The following C2CD2 variants were observed in gnomAD, a reference collection of about 807,000 sequenced individuals.
C2CD2 encodes the protein C2 calcium dependent domain containing 2.
C2CD2 carries 43 observed loss-of-function variants against 74.3 expected under a neutral mutation model. The ratio of observed to expected loss-of-function variants is 0.58; its 90% CI spans 0.45 to 0.75. The LOEUF (loss-of-function observed/expected upper bound fraction) is 0.75, where lower values mean the gene tolerates loss of function less well. Ranked by LOEUF, C2CD2 falls within the 30% of genes least tolerant of loss-of-function variation. The pLI, the probability that C2CD2 is intolerant of heterozygous loss-of-function variation, is 0.00. For missense variants in C2CD2, 801 were observed against 916.3 expected (o/e 0.87, Z 1.63); for synonymous variants, 422 against 390.7 (o/e 1.08, Z -0.94).
At chr21:41,897,550 G>A (rs2064838545) in intron 13 of C2CD2, among the ~76,000 whole-genome samples, 1 of 152,210 alleles carries the variant, frequency 6.6e-6, no homozygotes, top group Non-Finnish European at 1.5e-5. Flanking sequence ...GTGCTCTGTG[G>A]AGGGGGGTCC....
At position 41,926,380 on chromosome 21, in the gene C2CD2, G is replaced by A. The variant is rs1278324794; in HGVS notation, c.379-4295C>T. The A allele has an allele frequency of 1.0e-6, 1 of 972,694 alleles. No individual in the cohort carries two copies. Among genetic ancestry groups the A allele is most frequent in the Non-Finnish European group, 1.2e-6 (1 of 818,482 alleles). The allele number at this position is 972,694 out of a possible 1,614,324, so 60.3% of individuals were successfully genotyped here. A position where few individuals can be genotyped will look rare whatever the true frequency, so the allele number is the denominator to read the frequency against. ...TCACGGTAAGTCAGGGTCTCCACAT[G>A]GAAAGGCCAAGGGGGGACTCACGGT... On this transcript the variant is annotated intron_variant, in intron 2 of 13. Transcript: ENST00000380486. The surrounding 1 kb of genome is among the most constrained non-coding windows in gnomAD (Gnocchi z 8.0).
In C2CD2 at chr21:41,924,394, T is replaced by C. The variant is rs1000257640; in HGVS notation, c.379-2309A>G. ...TAGAAAAAGAAAATCCTGCCTTCTC[T>C]CAATATTGGCAGAAAGTCGTGCAAC... On this transcript the variant is annotated intron_variant, in intron 2 of 13. Coordinates refer to ENST00000380486, the MANE Select transcript of C2CD2 (RefSeq NM_015500.2). The surrounding 1 kb of genome is among the most constrained non-coding windows in gnomAD (Gnocchi z 4.4). 1.3e-5 allele frequency among the ~76,000 whole-genome samples: 2 copies of C among 152,188 alleles called. No homozygotes were observed. Among genetic ancestry groups the C allele is most frequent in the African/African-American group, 4.8e-5 (2 of 41,432 alleles).
At chr21:41,919,175 CATGT>C in intron 3 of C2CD2, 1 of 587,228 alleles carries the variant, frequency 1.7e-6, no homozygotes, top group Non-Finnish European at 3.1e-6. Flanking sequence ...CATGTGTGTG[CATGT>C]GAGTGTGAAT....
At chr21:41,901,574 C>T in intron 12 of C2CD2, 48 bp downstream of exon 12, 3 of 1,604,904 alleles carry the variant, frequency 1.9e-6, no homozygotes, top group South Asian at 1.1e-5. Context: ...AGCAGCAGGT[C>T]ACTGACAGAT....
At position 41,885,553 on chromosome 21, in the gene C2CD2, T is replaced by C. The variant is rs2064674302; in HGVS notation, c.*3571A>G. On this transcript the variant is annotated 3_prime_UTR_variant, in exon 14 of 14. Coordinates refer to ENST00000380486, the MANE Select transcript of C2CD2 (RefSeq NM_015500.2). ...TGCAGGCTGCTTTGGTCTTCGTGTCTAGGCCGGTTTGGGGCAGTGGGGAGA... is the reference window on the plus strand; with the variant it reads ...TGCAGGCTGCTTTGGTCTTCGTGTCCAGGCCGGTTTGGGGCAGTGGGGAGA... 6.5e-6 allele frequency: 1 copy of C among 152,766 alleles called. No individual in the cohort carries two copies. The highest frequency in any genetic ancestry group is 2.4e-5 in the African/African-American group (1 of 41,462). 9.5% of individuals were successfully genotyped at this position (152,766 alleles called of 1,614,324 possible).
chr21:41,888,934 G>C lies in C2CD2; in HGVS notation c.*190C>G. 3.3e-6 allele frequency: 2 copies of C among 602,958 alleles called. No homozygotes were observed. Among genetic ancestry groups the C allele is most frequent in the South Asian group, 2.0e-5 (1 of 49,436 alleles). 37.4% of individuals were successfully genotyped at this position (602,958 alleles called of 1,614,324 possible). On this transcript the variant is annotated 3_prime_UTR_variant, in exon 14 of 14. Transcript: ENST00000380486. ...ATCTGGTGGCAAGTTGGGCTTTTTT[G>C]TCCTCTCTGGGAGAAGCCTCCTGGC... is the stretch of plus-strand genomic sequence containing the variant.
intron 7 of C2CD2, among the ~76,000 whole-genome samples, chr21:41,911,390 T>C (rs1248522299): frequency 1.7e-5 from 2 of 114,938 alleles, no homozygotes; most frequent in African/African-American, 7.0e-5. Context: ...TCTCGATTCT[T>C]TTTTTTTTTT....
In C2CD2 at chr21:41,907,677, C is replaced by G. The variant is rs778367156; in HGVS notation, c.1126G>C (p.Gly376Arg). 3.7e-6 allele frequency: 6 copies of G among 1,611,986 alleles called. No individual in the cohort carries two copies. The highest frequency in any genetic ancestry group is 2.7e-5 in the African/African-American group (2 of 74,990). The change falls in exon 9 of 14, where the codon GGC becomes CGC. Residue 376 changes from glycine to arginine, a missense_variant. By Grantham distance (125) the Gly-to-Arg change is moderately radical. Transcript: ENST00000380486. The part of the protein sequence containing the change: ...SGSACGSSVL[G>R]SVTAEFSYME... ...CGCCCTACCTCTGCCGTGACCGAGC[C>G]CAGCACCGAGCTGCCGCAGGCAGAC...
intron 2 of C2CD2, among the ~76,000 whole-genome samples, chr21:41,927,437 C>T (rs542452060): frequency 3.3e-5 from 5 of 151,926 alleles, no homozygotes; most frequent in South Asian, 2.1e-4. Context: ...GGATTACAGG[C>T]GGGAACCACC....
intron 13 of C2CD2, among the ~76,000 whole-genome samples, chr21:41,890,051 T>C (rs1254214924): frequency 1.3e-5 from 2 of 152,144 alleles, no homozygotes; most frequent in Non-Finnish European, 2.9e-5. Flanking sequence ...AGGAAGGGTG[T>C]AGCTGGCAAA....
At chr21:41,944,336 C>A (rs112784461) in intron 1 of C2CD2, among the ~76,000 whole-genome samples, 1 of 151,776 alleles carries the variant, frequency 6.6e-6, no homozygotes, top group Admixed American at 6.6e-5. Context: ...CATGGTGAAA[C>A]CCCGTCCCTA....
intron 5 of C2CD2, 117 bp from the exon 6 acceptor site, chr21:41,914,838 C>G (rs1304357945): frequency 2.5e-6 from 2 of 813,290 alleles, no homozygotes; most frequent in African/African-American, 3.5e-5. Flanking sequence ...ACAGGAAAAC[C>G]TGCACAGGGA....
intron 2 of C2CD2, among the ~76,000 whole-genome samples, chr21:41,922,899 C>A (rs1000520514): frequency 2.0e-5 from 3 of 152,158 alleles, no homozygotes; most frequent in African/African-American, 4.8e-5. Flanking sequence ...AAACCAGAAA[C>A]AATGTTTCAA....
intron 9 of C2CD2, 105 bp from the exon 10 acceptor site, chr21:41,907,271 T>C: frequency 1.1e-6 from 1 of 925,760 alleles, no homozygotes; most frequent in Non-Finnish European, 1.7e-6. Context: ...TCATAATTCC[T>C]TCCCTTAAGG....
intron 12 of C2CD2, 90 bp downstream of exon 12, chr21:41,901,532 G>C: frequency 7.4e-7 from 1 of 1,350,992 alleles, no homozygotes; most frequent in Non-Finnish European, 1.1e-6. Context: ...CGTTAACCAA[G>C]TGCTTGGGCT....
At position 41,926,977 on chromosome 21, in the gene C2CD2, T is replaced by A. The variant is rs1170573017; in HGVS notation, c.379-4892A>T. Among the ~76,000 whole-genome samples the A allele has an allele frequency of 1.3e-5, 2 of 152,174 alleles. No individual in the cohort carries two copies. The highest frequency in any genetic ancestry group is 2.9e-5 in the Non-Finnish European group (2 of 68,022). On this transcript the variant is annotated intron_variant, in intron 2 of 13. Transcript: ENST00000380486. This position sits in a 1 kb window ranked among gnomAD's most constrained non-coding sequence, Gnocchi z 8.0. ...TTCCTAGTCAGATGTCTTTCCCCAC[T>A]CTGCAAGCGAGTCTCACCTCTGTAA...
At chr21:41,933,465 C>A (rs188723779) in intron 2 of C2CD2, among the ~76,000 whole-genome samples, 1 of 152,294 alleles carries the variant, frequency 6.6e-6, no homozygotes, top group African/African-American at 2.4e-5. Flanking sequence ...GCCTTGCTGT[C>A]TTATCATTTT....
chr21:41,942,104 TC>T, intron 2 of C2CD2, 42 bp downstream of exon 2: 2 of 1,544,454 alleles, frequency 1.3e-6, no homozygotes, highest in Non-Finnish European at 1.7e-6. Flanking sequence ...GTCCCCGGCA[TC>T]AAGTTCACCT....
At chr21:41,934,338 G>A (rs1186176392) in intron 2 of C2CD2, among the ~76,000 whole-genome samples, 1 of 152,148 alleles carries the variant, frequency 6.6e-6, no homozygotes, top group African/African-American at 2.4e-5. Context: ...GCTGAGGCAG[G>A]AGGACTGTTG....
Sources: gnomAD v4.1 joint callset for allele counts (sites outside exome capture counted in the v4.1 genomes callset) on GRCh38, gnomAD v4.1.1 for gene constraint, Gnocchi (gnomAD v3.1) non-coding constraint, MANE v1.5 for transcripts, NCBI Gene and HGNC (gene_info 2026-07-23, HGNC 2026-07-21) for gene names.